Variants in CSMD3 observed in about 807,000 individuals in gnomAD.
The protein encoded by CSMD3 is CUB and Sushi multiple domains 3.
In CSMD3, 177 loss-of-function variants were observed where a neutral mutation model predicts 435.2. The ratio of observed to expected loss-of-function variants is 0.41; its 90% CI spans 0.36 to 0.46. The LOEUF (loss-of-function observed/expected upper bound fraction) is 0.46, where lower values mean the gene tolerates loss of function less well. CSMD3 is among the 20% of genes least tolerant of loss of function. The probability of loss-of-function intolerance (pLI) is 0.34; values close to 1 mark genes in which losing one functional copy is unlikely to be tolerated. For missense variants in CSMD3, 4,265 were observed against 4,504.6 expected, an observed-to-expected ratio of 0.95 and a Z score of 1.52; for synonymous variants, 1,656 against 1,520.5, an observed-to-expected ratio of 1.09 and a Z score of -2.07.
Position 113,246,501 on chromosome 8 carries a change from T to A in CSMD3, c.514+32091A>T, listed in dbSNP as rs1200416361. On this transcript the variant is annotated intron_variant, in intron 3 of 70. Transcript: ENST00000297405. ...GTTCTTCCACTTAATTCTTTAGATA[T>A]AATTTCCTTTAGTTCTTTGAGCATA... is the stretch of plus-strand genomic sequence containing the variant. Among the ~76,000 whole-genome samples the A allele has an allele frequency of 4.6e-5, 7 of 152,296 alleles. No homozygotes were observed. The East Asian group carries it at 9.6e-4, about 21-fold the overall frequency.
chr8:112,856,873 A>G (rs2080675837), intron 11 of CSMD3, among the ~76,000 whole-genome samples: 2 of 151,812 alleles, frequency 1.3e-5, no homozygotes, highest in African/African-American at 4.8e-5. Flanking sequence ...TATACCAACA[A>G]TTTCCTTCTG....
intron 32 of CSMD3, among the ~76,000 whole-genome samples, chr8:112,423,725 T>C (rs892250983): frequency 6.6e-6 from 1 of 152,310 alleles, no homozygotes; most frequent in Non-Finnish European, 1.5e-5. Flanking sequence ...TATACTAATA[T>C]GCTGAAAGAA....
At chr8:113,101,813 A>G (rs2090338312) in intron 4 of CSMD3, among the ~76,000 whole-genome samples, 1 of 152,096 alleles carries the variant, frequency 6.6e-6, no homozygotes, top group Non-Finnish European at 1.5e-5. Flanking sequence ...TAGAATCAGT[A>G]TCTGACAAAA....
intron 10 of CSMD3, among the ~76,000 whole-genome samples, chr8:112,898,249 A>C (rs1366929041): frequency 6.6e-6 from 1 of 151,170 alleles, no homozygotes; most frequent in Non-Finnish European, 1.5e-5. Context: ...ACTGATTTCA[A>C]AGAATGTCCT....
intron 9 of CSMD3, among the ~76,000 whole-genome samples, chr8:112,933,177 T>G (rs2083170444): frequency 6.6e-6 from 1 of 152,090 alleles, no homozygotes; most frequent in Non-Finnish European, 1.5e-5. Flanking sequence ...GATATGGTGC[T>G]AAAATACAAA....
At chr8:112,536,087 A>G (rs1268195686) in intron 27 of CSMD3, among the ~76,000 whole-genome samples, 1 of 152,238 alleles carries the variant, frequency 6.6e-6, no homozygotes, top group Non-Finnish European at 1.5e-5. Context: ...AAACTTAGGC[A>G]TTAGCATTCA....
chr8:112,621,127 C>G (rs1055490068), intron 22 of CSMD3, among the ~76,000 whole-genome samples: 1 of 151,908 alleles, frequency 6.6e-6, no homozygotes, highest in African/African-American at 2.4e-5. Context: ...TCCAGGTACT[C>G]GGGAGACTGA....
chr8:112,448,013 A>G (rs950288260), intron 32 of CSMD3, among the ~76,000 whole-genome samples: 2 of 152,168 alleles, frequency 1.3e-5, no homozygotes, highest in Admixed American at 1.3e-4. Context: ...GCCATACTAG[A>G]CCAGGCTGTG....
In CSMD3 at chr8:112,408,935, G is replaced by A. The variant is rs746365119; in HGVS notation, c.5493C>T (p.Leu1831=). ...PTQQSSLLSS[L]SGSHSGESLP... ...AAAGGATACCTGAATGGGATCCTGA[G>A]AGGGAAGATAACAGAGAAGATTGCT... Residue 1831 remains leucine (L), a synonymous_variant, in exon 33 of 71, where the codon CTC becomes CTT. Coordinates refer to ENST00000297405, the MANE Select transcript of CSMD3 (RefSeq NM_198123.2). The A allele has an allele frequency of 6.2e-6, 10 of 1,613,558 alleles. No homozygotes were observed. The highest frequency in any genetic ancestry group is 8.5e-6 in the Non-Finnish European group (10 of 1,179,658).
At chr8:112,624,530 T>A (rs919925226) in intron 22 of CSMD3, among the ~76,000 whole-genome samples, 1 of 152,078 alleles carries the variant, frequency 6.6e-6, no homozygotes, top group Non-Finnish European at 1.5e-5. Context: ...AATCTATTCT[T>A]TACATCTAGC....
intron 1 of CSMD3, among the ~76,000 whole-genome samples, chr8:113,423,338 C>T (rs2094618505): frequency 6.6e-6 from 1 of 151,960 alleles, no homozygotes; most frequent in South Asian, 2.1e-4. Context: ...GGCTGGTGTA[C>T]CTCTTATAGA....
chr8:113,175,487 A>C (rs2092334364), intron 3 of CSMD3, among the ~76,000 whole-genome samples: 1 of 152,060 alleles, frequency 6.6e-6, no homozygotes, highest in Non-Finnish European at 1.5e-5. Context: ...TAGTGTCAGT[A>C]ATGAAAGTTA....
chr8:112,236,882 G>A (rs1267531983), intron 67 of CSMD3, among the ~76,000 whole-genome samples: 1 of 152,026 alleles, frequency 6.6e-6, no homozygotes, highest in East Asian at 1.9e-4. Flanking sequence ...GGTTTTATGA[G>A]AATAGAGAAA....
chr8:112,463,244 C>T (rs1278434910), intron 32 of CSMD3, among the ~76,000 whole-genome samples: 1 of 152,138 alleles, frequency 6.6e-6, no homozygotes, highest in Non-Finnish European at 1.5e-5. Flanking sequence ...TACCTGTAAT[C>T]CCAGCTACTC....
intron 32 of CSMD3, among the ~76,000 whole-genome samples, chr8:112,465,944 C>T (rs1360277518): frequency 6.8e-6 from 1 of 146,156 alleles, no homozygotes; most frequent in Non-Finnish European, 1.5e-5. Flanking sequence ...CACTGCACTG[C>T]AGCCTGGGAA....
At chr8:112,599,954 G>A (rs1832167696) in intron 22 of CSMD3, among the ~76,000 whole-genome samples, 1 of 149,548 alleles carries the variant, frequency 6.7e-6, no homozygotes, top group African/African-American at 2.5e-5. Context: ...CACCAGCATG[G>A]CACATGTATA....
intron 10 of CSMD3, among the ~76,000 whole-genome samples, chr8:112,867,456 T>C (rs1324607936): frequency 6.6e-6 from 1 of 152,108 alleles, no homozygotes; most frequent in African/African-American, 2.4e-5. Context: ...AGAAACGTGT[T>C]GTGAGGCAAT....
intron 31 of CSMD3, among the ~76,000 whole-genome samples, chr8:112,482,364 C>A (rs1819707220): frequency 6.6e-6 from 1 of 152,122 alleles, no homozygotes; most frequent in African/African-American, 2.4e-5. Flanking sequence ...ATTTTGTACC[C>A]CAATTAAAAA....
intron 35 of CSMD3, among the ~76,000 whole-genome samples, chr8:112,392,546 C>A (rs2129763014): frequency 6.6e-6 from 1 of 151,976 alleles, no homozygotes; most frequent in South Asian, 2.1e-4. Context: ...AAAATATTCA[C>A]CCAAAAAATA....
Sources: gnomAD v4.1 joint callset for allele counts (sites outside exome capture counted in the v4.1 genomes callset) on GRCh38, gnomAD v4.1.1 for gene constraint, MANE v1.5 for transcripts, NCBI Gene and HGNC (gene_info 2026-07-23, HGNC 2026-07-21) for gene names.